Variants in PPEF2 observed in about 807,000 individuals in gnomAD.
The protein encoded by PPEF2 is serine/threonine-protein phosphatase with EF-hands 2.
Under a neutral mutation model 84.7 loss-of-function variants are expected in PPEF2, and 84 were observed. That is an observed-to-expected ratio of 0.99 (90% CI 0.83 to 1.19). The LOEUF (loss-of-function observed/expected upper bound fraction) is 1.19. Ranked by LOEUF, PPEF2 falls within the 50% of genes most tolerant of loss-of-function variation. The pLI, the probability that PPEF2 is intolerant of heterozygous loss-of-function variation, is 0.00. For synonymous variants in PPEF2, 346 were observed against 345.2 expected (o/e 1.00, Z -0.03); for missense variants, 924 against 937.5 (o/e 0.99, Z 0.19).
Position 75,891,893 on chromosome 4 carries a change from G to T in PPEF2, c.141C>A (p.Ile47=), listed in dbSNP as rs768138232. ...LEMRRRCTWS[I]FQSIEYAGQQ... is the part of the protein sequence containing the mutation. The stretch of plus-strand genomic sequence containing the variant: ...GCCCAGCATATTCTATAGACTGGAA[G>T]ATGCTCCAGGTGCAACGCCGCCTCA... The change falls in exon 3 of 17, where the codon ATC becomes ATA. Residue 47 remains isoleucine (I), a synonymous_variant. Coordinates refer to ENST00000286719, the MANE Select transcript of PPEF2 (RefSeq NM_006239.3). 6.2e-7 allele frequency: 1 copy of T among 1,614,122 alleles called. No individual in the cohort carries two copies. The highest frequency in any genetic ancestry group is 8.5e-7 in the Non-Finnish European group (1 of 1,179,984).
rs1302008044 is a variant in PPEF2 at position 75,860,425 on chromosome 4, A to G, written c.*242T>C. 3.7e-6 allele frequency: 2 copies of G among 539,706 alleles called. No individual in the cohort carries two copies. The highest frequency in any genetic ancestry group is 3.3e-5 in the Admixed American group (1 of 30,106). The allele number at this position is 539,706 out of a possible 1,614,324, so 33.4% of individuals were successfully genotyped here. Reference sequence around the variant, plus strand: ...GAAGTGGACTTTAGAATTTGAAAACACTATACCTAAGTTCTACTTTGTGAA... The same window carrying G: ...GAAGTGGACTTTAGAATTTGAAAACGCTATACCTAAGTTCTACTTTGTGAA... On this transcript the variant is annotated 3_prime_UTR_variant, in exon 17 of 17. Coordinates refer to ENST00000286719, the MANE Select transcript of PPEF2 (RefSeq NM_006239.3).
chr4:75,896,246 G>T, intron 2 of PPEF2, 25 bp downstream of exon 2: 1 of 1,610,058 alleles, frequency 6.2e-7, no homozygotes, highest in Non-Finnish European at 8.5e-7. Flanking sequence ...ACCCACAGCT[G>T]GTTTGGAAAG....
At chr4:75,879,233 A>T (rs1224216134) in intron 10 of PPEF2, among the ~76,000 whole-genome samples, 6 of 152,170 alleles carry the variant, frequency 3.9e-5, no homozygotes, top group Admixed American at 2.0e-4. Flanking sequence ...TAAAATTTTT[A>T]AAATGGTATT....
At chr4:75,890,273 C>T (rs2149227000) in intron 4 of PPEF2, 141 bp from the exon 5 acceptor site, 2 of 897,388 alleles carry the variant, frequency 2.2e-6, no homozygotes, top group East Asian at 2.6e-5. Context: ...ATTGCTTGAG[C>T]CCAGGAGTTT....
In PPEF2 at chr4:75,860,085, A is replaced by G. The variant is rs944426114; in HGVS notation, c.*582T>C. The G allele has an allele frequency of 2.0e-5, 3 of 152,356 alleles. No homozygotes were observed. The highest frequency in any genetic ancestry group is 7.2e-5 in the African/African-American group (3 of 41,464). 9.4% of individuals were successfully genotyped at this position (152,356 alleles called of 1,614,324 possible). A position where few individuals can be genotyped will look rare whatever the true frequency, so the allele number is the denominator to read the frequency against. ...TAAAATAGGCTGGGTGCGGTGGCTC[A>G]TGCCTGTAATCCCAGCACTTTGGGA... On this transcript the variant is annotated 3_prime_UTR_variant, in exon 17 of 17. Coordinates refer to ENST00000286719, the MANE Select transcript of PPEF2 (RefSeq NM_006239.3).
intron 2 of PPEF2, among the ~76,000 whole-genome samples, chr4:75,895,132 T>C (rs1464536197): frequency 6.6e-6 from 1 of 150,744 alleles, no homozygotes; most frequent in East Asian, 1.9e-4. Context: ...AATTAATTTT[T>C]TTTTTTTTTT....
At chr4:75,890,157 C>T (rs201854876) in intron 4 of PPEF2, 25 bp from the exon 5 acceptor site, 22 of 1,612,188 alleles carry the variant, frequency 1.4e-5, no homozygotes, top group Non-Finnish European at 1.7e-6. Context: ...AAAGGTGGAT[C>T]AGCTTATGAT....
intron 1 of PPEF2, among the ~76,000 whole-genome samples, chr4:75,898,193 C>G (rs1725050131): frequency 6.6e-6 from 1 of 152,210 alleles, no homozygotes; most frequent in African/African-American, 2.4e-5. Context: ...ATGTTCCCTG[C>G]CCTCATTCTG....
intron 1 of PPEF2, among the ~76,000 whole-genome samples, chr4:75,899,105 G>A (rs909993978): frequency 1.3e-4 from 20 of 152,038 alleles, no homozygotes; most frequent in African/African-American, 4.1e-4. Context: ...GTGAGATCAC[G>A]CAGTATTTGT....
Position 75,862,292 on chromosome 4 carries a change from C to CA in PPEF2, c.2009-1373dup, listed in dbSNP as rs545540824. On this transcript the variant is annotated intron_variant, in intron 16 of 16. Transcript: ENST00000286719. ...TAGGTGACAGAGCGAGACTCCATCT[C>CA]AAAAAAAAAAAAAAAAAAAAAAAAA... Among the ~76,000 whole-genome samples, 41 of 77,384 alleles carry CA rather than the reference C, an allele frequency of 5.3e-4. 2 individuals are homozygous for CA. Among genetic ancestry groups the CA allele is most frequent in the African/African-American group, 1.9e-3 (40 of 20,572 alleles). 50.8% of individuals were successfully genotyped at this position (77,384 alleles called of 152,430 possible). A position where few individuals can be genotyped will look rare whatever the true frequency, so the allele number is the denominator to read the frequency against.
At chr4:75,897,417 G>C (rs985562911) in intron 1 of PPEF2, among the ~76,000 whole-genome samples, 4 of 152,078 alleles carry the variant, frequency 2.6e-5, no homozygotes, top group Non-Finnish European at 5.9e-5. Context: ...CATCCCAGAT[G>C]ATCCCTAAAC....
chr4:75,869,126 A>G (rs1042539719), intron 13 of PPEF2, among the ~76,000 whole-genome samples: 2 of 152,206 alleles, frequency 1.3e-5, no homozygotes, highest in African/African-American at 4.8e-5. Context: ...GGCTAACAGA[A>G]GTATGGGACT....
Position 75,882,968 on chromosome 4 carries a change from G to A in PPEF2, c.891C>T (p.Asp297=), listed in dbSNP as rs561296324. The A allele has an allele frequency of 2.5e-6, 4 of 1,614,154 alleles. No individual in the cohort carries two copies. In the South Asian group the frequency reaches 4.4e-5, roughly 18 times the overall value. ...TGTCCAAAAGCTCCAGATCAGTTAT[G>A]TCTGACACCCCACCATGAAGAATTA... ...KVLILHGGVS[D]ITDLELLDKI... The change falls in exon 10 of 17, where the codon GAC becomes GAT. Residue 297 remains aspartate, a synonymous_variant. Transcript: ENST00000286719.
chr4:75,860,442 C>G lies in PPEF2; in HGVS notation c.*225G>C, dbSNP rs1723966448. The G allele has an allele frequency of 8.7e-6, 5 of 576,016 alleles. No individual in the cohort carries two copies. In the East Asian group the frequency reaches 1.4e-4, roughly 17 times the overall value. 35.7% of individuals were successfully genotyped at this position (576,016 alleles called of 1,614,324 possible). The stretch of plus-strand genomic sequence containing the variant: ...TTGAAAACACTATACCTAAGTTCTA[C>G]TTTGTGAAGATTGTGAGGTGGGGTT... On this transcript the variant is annotated 3_prime_UTR_variant, in exon 17 of 17. Transcript: ENST00000286719.
intron 14 of PPEF2, 38 bp downstream of exon 14, chr4:75,867,275 T>G (rs751401280): frequency 6.6e-7 from 1 of 1,522,412 alleles, no homozygotes; most frequent in Non-Finnish European, 9.1e-7. Context: ...TCTGGCTAGC[T>G]TCCTTCCTCT....
At chr4:75,873,074 T>C in intron 12 of PPEF2, 53 bp downstream of exon 12, 3 of 1,520,236 alleles carry the variant, frequency 2.0e-6, no homozygotes, top group Non-Finnish European at 2.7e-6. Flanking sequence ...CCTGAGCCCT[T>C]CGGACTACTT....
In PPEF2 at chr4:75,860,740, T is replaced by A. The variant is rs1457053941; in HGVS notation, c.2189A>T (p.Glu730Val). The A allele has an allele frequency of 6.2e-7, 1 of 1,614,250 alleles. No homozygotes were observed. Among genetic ancestry groups the A allele is most frequent in the Non-Finnish European group, 8.5e-7 (1 of 1,180,038 alleles). ...AFRLVEKSCPEGDASECPQAT... is the reference protein window; with the variant it reads ...AFRLVEKSCPVGDASECPQAT... Reference sequence around the variant, plus strand: ...TTGTGGGCATTCTGAGGCATCGCCCTCTGGGCAGGATTTCTCCACAAGGCG... The same window carrying A: ...TTGTGGGCATTCTGAGGCATCGCCCACTGGGCAGGATTTCTCCACAAGGCG... The change falls in exon 17 of 17, where the codon GAG becomes GTG. Residue 730 changes from glutamate to valine, a missense_variant. Transcript: ENST00000286719.
intron 13 of PPEF2, among the ~76,000 whole-genome samples, 195 bp from the exon 14 acceptor site, chr4:75,867,614 T>C (rs558030598): frequency 2.5e-4 from 38 of 152,304 alleles, no homozygotes; most frequent in African/African-American, 8.2e-4. Flanking sequence ...TCCTTCCTGG[T>C]ATGGGACAGT....
intron 15 of PPEF2, among the ~76,000 whole-genome samples, 178 bp from the exon 16 acceptor site, chr4:75,864,705 C>T (rs537683152): frequency 1.3e-5 from 2 of 152,060 alleles, no homozygotes; most frequent in African/African-American, 4.8e-5. Context: ...GTTTAAGAAG[C>T]ACCTCACCCA....
Sources: allele counts gnomAD v4.1 joint callset (sites outside exome capture counted in the v4.1 genomes callset), GRCh38; gene constraint gnomAD v4.1.1; transcripts MANE v1.5; gene names NCBI Gene and HGNC (gene_info 2026-07-23, HGNC 2026-07-21).